Variants in PANX3 observed in about 807,000 individuals in gnomAD.
PANX3 encodes pannexin-3.
Under a neutral mutation model 31.5 loss-of-function variants are expected in PANX3, and 18 were observed. That is an observed-to-expected ratio of 0.57 (90% confidence interval 0.39 to 0.85). The LOEUF (loss-of-function observed/expected upper bound fraction) is 0.85. Ranked by LOEUF, PANX3 falls within the 40% of genes least tolerant of loss-of-function variation. The probability of loss-of-function intolerance (pLI) is 0.00; values close to 1 mark genes in which losing one functional copy is unlikely to be tolerated. For synonymous variants in PANX3, 194 were observed against 201.6 expected (o/e 0.96, Z 0.32); for missense variants, 426 against 485.4 (o/e 0.88, Z 1.15).
In PANX3 at chr11:124,617,455, C is replaced by G; in HGVS notation, c.506C>G (p.Ser169Cys). The part of the protein sequence containing the change: ...QHMLKIRQKS[S>C]DPYVFWNELE... ...ATGCTGAAGATCCGGCAGAAGAGTT[C>G]CGACCCCTATGTGTTCTGGAATGAG... The change falls in exon 3 of 4, where the codon TCC (serine) becomes TGC (cysteine). Residue 169 changes from serine (S) to cysteine (C), a missense_variant. By Grantham distance (112) the Ser-to-Cys change is moderately radical. Coordinates refer to ENST00000284288, the MANE Select transcript of PANX3 (RefSeq NM_052959.3). The G allele has an allele frequency of 6.2e-7, 1 of 1,614,250 alleles. No individual in the cohort carries two copies. The highest frequency in any genetic ancestry group is 8.5e-7 in the Non-Finnish European group (1 of 1,180,040).
rs749029788 is a variant in PANX3, at chr11:124,613,076, AG to A, written c.280del (p.Asp94ThrfsTer8). ...SCWDSLLHHKQDGPGQDKMKS... is the reference protein window; with the variant it reads ...SCWDSLLHHKXDGPGQDKMKS... ...TGGGACTCACTGCTTCACCATAAGCAGGACGGGCCTGGCCAGGACAAAATGA... is the reference window on the plus strand; with the variant it reads ...TGGGACTCACTGCTTCACCATAAGCAGACGGGCCTGGCCAGGACAAAATGA... On this transcript the variant is annotated frameshift_variant, in exon 2 of 4. Transcript: ENST00000284288. LOFTEE classifies it high-confidence loss of function. 1.2e-6 allele frequency: 2 copies of A among 1,614,042 alleles called. No homozygotes were observed. The highest frequency in any genetic ancestry group is 2.7e-5 in the African/African-American group (2 of 74,942).
In PANX3 at chr11:124,611,511, C is replaced by A; in HGVS notation, c.-46C>A. 6.4e-7 allele frequency: 1 copy of A among 1,552,864 alleles called. No homozygotes were observed. The highest frequency in any genetic ancestry group is 1.2e-5 in the South Asian group (1 of 80,692). ...GCTGCCGTCTCCTCATTCCACCATC[C>A]CAGGACCCCTGCTGCCACCTCTGCA... is the stretch of plus-strand genomic sequence containing the variant. On this transcript the variant is annotated 5_prime_UTR_variant, in exon 1 of 4. Transcript: ENST00000284288.
chr11:124,618,526 A>G lies in PANX3; in HGVS notation c.540-770A>G, dbSNP rs139862688. Among the ~76,000 whole-genome samples the G allele has an allele frequency of 7.6e-4, 116 of 152,328 alleles. 1 individual carries two copies. The East Asian group carries it at 0.019, about 25-fold the overall frequency. On this transcript the variant is annotated intron_variant, in intron 3 of 3. Transcript: ENST00000284288. The stretch of plus-strand genomic sequence containing the variant: ...TCAGAGCACAAACTGGCTTACATGT[A>G]CCTGAACACCAAAGCTCTCGACAAA...
At chr11:124,612,900 G>A (rs751738058) in intron 1 of PANX3, 80 bp from the exon 2 acceptor site, 232 of 1,536,256 alleles carry the variant, frequency 1.5e-4, no homozygotes, top group South Asian at 8.2e-4. Flanking sequence ...CAGAAACTGG[G>A]GAAGAGTTAG....
chr11:124,618,901 C>T lies in PANX3; in HGVS notation c.540-395C>T, dbSNP rs145799795. On this transcript the variant is annotated intron_variant, in intron 3 of 3. Transcript: ENST00000284288. ...GCTTATGGGACCCTTCCACCTCGGC[C>T]GCTGGGATTATGAGCATAAGCCACC... is the stretch of plus-strand genomic sequence containing the variant. 5.3e-3 allele frequency among the ~76,000 whole-genome samples: 811 copies of T among 152,240 alleles called. 1 individual carries two copies. Among genetic ancestry groups the T allele is most frequent in the African/African-American group, 0.018 (764 of 41,540 alleles).
chr11:124,618,895 C>T (rs1051262094), intron 3 of PANX3, among the ~76,000 whole-genome samples: 5 of 152,296 alleles, frequency 3.3e-5, no homozygotes, highest in African/African-American at 1.2e-4. Flanking sequence ...ACCCTTCCAC[C>T]TCGGCCGCTG....
chr11:124,614,744 T>C (rs1863134329), intron 2 of PANX3, among the ~76,000 whole-genome samples: 1 of 147,738 alleles, frequency 6.8e-6, no homozygotes. Flanking sequence ...TGGCACGATC[T>C]TGGCTCACTG....
At chr11:124,614,393 G>C (rs1215707258) in intron 2 of PANX3, among the ~76,000 whole-genome samples, 1 of 151,028 alleles carries the variant, frequency 6.6e-6, no homozygotes, top group East Asian at 2.0e-4. Context: ...ACAGCCTCCT[G>C]AGTAGCTGGG....
chr11:124,611,775 C>G (rs757148520), intron 1 of PANX3, 38 bp downstream of exon 1: 24 of 1,583,822 alleles, frequency 1.5e-5, no homozygotes, highest in East Asian at 2.2e-5. Context: ...AAGAGAGACT[C>G]CCCCTCATGT....
chr11:124,613,163 G>A (rs1468625969), intron 2 of PANX3, 41 bp downstream of exon 2: 2 of 1,601,026 alleles, frequency 1.2e-6, no homozygotes, highest in African/African-American at 1.3e-5. Flanking sequence ...ACGGCTGAGT[G>A]GAGTGGTGCA....
At chr11:124,618,541 C>A (rs1863178641) in intron 3 of PANX3, among the ~76,000 whole-genome samples, 1 of 152,224 alleles carries the variant, frequency 6.6e-6, no homozygotes, top group African/African-American at 2.4e-5. Context: ...AACACCAAAG[C>A]TCTCGACAAA....
intron 1 of PANX3, among the ~76,000 whole-genome samples, chr11:124,612,087 T>C (rs2134309087): frequency 6.6e-6 from 1 of 152,314 alleles, no homozygotes; most frequent in African/African-American, 2.4e-5. Context: ...TTTAGGGCCT[T>C]AGACCTCTTC....
rs532835517 is a variant in PANX3, at chr11:124,617,225, G to A, written c.325-49G>A. 1.7e-5 allele frequency: 24 copies of A among 1,426,652 alleles called. No individual in the cohort carries two copies. In the African/African-American group the frequency reaches 2.5e-4, roughly 15 times the overall value. The allele number at this position is 1,426,652 out of a possible 1,614,324, so 88.4% of individuals were successfully genotyped here. On this transcript the variant is annotated intron_variant, in intron 2 of 3. Transcript: ENST00000284288. The stretch of plus-strand genomic sequence containing the variant: ...AGCCCCTCAGTCAGCACTGTCACTC[G>A]GGGTCTCAGCAGCCCCGGCCTCCCT...
intron 2 of PANX3, among the ~76,000 whole-genome samples, chr11:124,613,449 C>G (rs1273515002): frequency 6.6e-6 from 1 of 152,036 alleles, no homozygotes; most frequent in Non-Finnish European, 1.5e-5. Flanking sequence ...AAGAGTCATT[C>G]AAACCTTAAT....
At chr11:124,617,217 T>C (rs1863162593) in intron 2 of PANX3, 57 bp from the exon 3 acceptor site, 18 of 1,367,376 alleles carry the variant, frequency 1.3e-5, no homozygotes, top group Admixed American at 1.9e-5. Flanking sequence ...CAGTCAGCAC[T>C]GTCACTCGGG....
intron 2 of PANX3, among the ~76,000 whole-genome samples, chr11:124,613,717 TCA>T (rs916629684): frequency 2.6e-5 from 4 of 152,196 alleles, no homozygotes; most frequent in Non-Finnish European, 4.4e-5. Context: ...GGGCTGCTTC[TCA>T]CACAGATTTT....
rs1863094510 is a variant in PANX3, at chr11:124,611,783, T to C, written c.181+46T>C. On this transcript the variant is annotated intron_variant, in intron 1 of 3. Coordinates refer to ENST00000284288, the MANE Select transcript of PANX3 (RefSeq NM_052959.3). ...AGTGCGCAAGAGAGACTCCCCCTCA[T>C]GTCACTCTCTGCATGGGCTCTGAAG... The C allele has an allele frequency of 2.5e-6, 4 of 1,569,122 alleles. 1 individual carries two copies. Among genetic ancestry groups the C allele is most frequent in the Non-Finnish European group, 3.5e-6 (4 of 1,147,996 alleles).
In PANX3 at chr11:124,613,893, C is replaced by A. The variant is rs571166555; in HGVS notation, c.324+771C>A. On this transcript the variant is annotated intron_variant, in intron 2 of 3. Coordinates refer to ENST00000284288, the MANE Select transcript of PANX3 (RefSeq NM_052959.3). Reference sequence around the variant, plus strand: ...TTCTATCTTGCAACTGCTTTCCAGTCTTCAATATTGGGCTCCCTTGTCTCC... The same window carrying A: ...TTCTATCTTGCAACTGCTTTCCAGTATTCAATATTGGGCTCCCTTGTCTCC... Among the ~76,000 whole-genome samples, 3 of 152,276 alleles carry A rather than the reference C, an allele frequency of 2.0e-5. No homozygotes were observed. In the South Asian group the frequency reaches 6.2e-4, roughly 32 times the overall value.
At position 124,619,604 on chromosome 11, in the gene PANX3, T is replaced by C; in HGVS notation, c.848T>C (p.Leu283Ser). ...TCCAGTGTAGCAATATACACCATAT[T>C]GGTTCCAGTGATAATATACAACCTC... ...SLSSVAIYTI[L>S]VPVIIYNLTR... is the part of the protein sequence containing the mutation. The change falls in exon 4 of 4, where the codon TTG (leucine) becomes TCG (serine). Residue 283 changes from leucine to serine, a missense_variant. Leu to Ser is a moderately radical substitution (Grantham distance 145). Coordinates refer to ENST00000284288, the MANE Select transcript of PANX3 (RefSeq NM_052959.3). 6.2e-7 allele frequency: 1 copy of C among 1,614,210 alleles called. No homozygotes were observed. The highest frequency in any genetic ancestry group is 8.5e-7 in the Non-Finnish European group (1 of 1,180,050).
Sources: allele counts gnomAD v4.1 joint callset (sites outside exome capture counted in the v4.1 genomes callset), GRCh38; gene constraint gnomAD v4.1.1; transcripts MANE v1.5; gene names NCBI Gene and HGNC (gene_info 2026-07-23, HGNC 2026-07-21).